TIAM1: variants seen among roughly 807,000 people sequenced by gnomAD.
TIAM1 encodes rho guanine nucleotide exchange factor TIAM1.
TIAM1 carries 65 observed loss-of-function variants against 163.5 expected under a neutral mutation model. The ratio of observed to expected loss-of-function variants is 0.40; its 90% CI spans 0.33 to 0.49. The LOEUF (loss-of-function observed/expected upper bound fraction) is 0.49. Ranked by LOEUF, TIAM1 falls within the 20% of genes least tolerant of loss-of-function variation. The probability of loss-of-function intolerance (pLI) is 0.77; values close to 1 mark genes in which losing one functional copy is unlikely to be tolerated. For synonymous variants in TIAM1, 833 were observed against 810.1 expected (o/e 1.03, Z -0.48); for missense variants, 1,789 against 2,044.7 (o/e 0.87, Z 2.41).
In TIAM1 at chr21:31,334,183, T is replaced by C. The variant is rs16988116; in HGVS notation, c.-189+5060A>G. Among the ~76,000 whole-genome samples the C allele has an allele frequency of 7.1e-3, 1,085 of 152,334 alleles. 8 individuals are homozygous for C. Among genetic ancestry groups the C allele is most frequent in the African/African-American group, 0.021 (875 of 41,576 alleles). Reference sequence around the variant, plus strand: ...AAGCTGAAACCACGAAAAATCCATTTTATTTTCACTTAATGTCAACTCTTG... The same window carrying C: ...AAGCTGAAACCACGAAAAATCCATTCTATTTTCACTTAATGTCAACTCTTG... On this transcript the variant is annotated intron_variant, in intron 2 of 27. Transcript: ENST00000541036.
intron 2 of TIAM1, among the ~76,000 whole-genome samples, chr21:31,376,111 C>T (rs182976210): frequency 2.6e-5 from 4 of 152,258 alleles, no homozygotes; most frequent in East Asian, 3.9e-4. Flanking sequence ...GCAAGCATTT[C>T]GTAAACGATA....
At chr21:31,552,530 T>C (rs1362188429) in intron 1 of TIAM1, among the ~76,000 whole-genome samples, 1 of 152,092 alleles carries the variant, frequency 6.6e-6, no homozygotes, top group African/African-American at 2.4e-5. Context: ...TCCCAGCACT[T>C]TGGGAGGCCG....
chr21:31,136,390 G>T (rs1175105123), intron 22 of TIAM1, among the ~76,000 whole-genome samples: 1 of 151,916 alleles, frequency 6.6e-6, no homozygotes, highest in Non-Finnish European at 1.5e-5. Context: ...ATCAAAACAG[G>T]CTGAAGATAC....
At chr21:31,148,950 GTTTTTC>G (rs200999800) in intron 19 of TIAM1, among the ~76,000 whole-genome samples, 1 of 81,690 alleles carries the variant, frequency 1.2e-5, no homozygotes, top group Non-Finnish European at 2.4e-5. Context: ...ATTTTAACAA[GTTTTTC>G]TTTTTCTTTT....
chr21:31,514,760 G>GCAGA (rs944937915), intron 1 of TIAM1, among the ~76,000 whole-genome samples: 57 of 152,314 alleles, frequency 3.7e-4, no homozygotes, highest in African/African-American at 1.1e-3. Context: ...GTTCTGAACT[G>GCAGA]CAGAGTGCAC....
At chr21:31,478,840 A>T (rs1220829904) in intron 1 of TIAM1, among the ~76,000 whole-genome samples, 2 of 152,216 alleles carry the variant, frequency 1.3e-5, no homozygotes, top group East Asian at 3.8e-4. Flanking sequence ...GCTAGCTGAC[A>T]CCCCAAATGC....
intron 6 of TIAM1, among the ~76,000 whole-genome samples, chr21:31,233,777 C>T (rs1401534898): frequency 3.3e-5 from 5 of 152,192 alleles, no homozygotes; most frequent in African/African-American, 9.7e-5. Context: ...TCCCTCTCAC[C>T]CTCACCCACG....
intron 2 of TIAM1, among the ~76,000 whole-genome samples, chr21:31,295,377 G>C (rs2074208100): frequency 6.7e-6 from 1 of 149,402 alleles, no homozygotes; most frequent in Non-Finnish European, 1.5e-5. Flanking sequence ...GGCTGAGGCA[G>C]GAGAATGGCG....
At chr21:31,551,717 A>T (rs2048694594) in intron 1 of TIAM1, among the ~76,000 whole-genome samples, 1 of 152,198 alleles carries the variant, frequency 6.6e-6, no homozygotes, top group African/African-American at 2.4e-5. Context: ...TCTAGGCAGC[A>T]GAGCGAGACC....
At chr21:31,484,689 C>G (rs146902970) in intron 1 of TIAM1, among the ~76,000 whole-genome samples, 2 of 152,296 alleles carry the variant, frequency 1.3e-5, no homozygotes, top group Non-Finnish European at 2.9e-5. Context: ...GGAAGGGAGG[C>G]CTGAGAGACT....
At chr21:31,278,409 A>C (rs933588386) in intron 2 of TIAM1, among the ~76,000 whole-genome samples, 21 of 152,210 alleles carry the variant, frequency 1.4e-4, no homozygotes, top group Non-Finnish European at 4.4e-5. Context: ...GGTAGAGGTG[A>C]AATTACAAAT....
intron 15 of TIAM1, among the ~76,000 whole-genome samples, chr21:31,176,558 T>G (rs2084773755): frequency 6.6e-6 from 1 of 152,100 alleles, no homozygotes; most frequent in Non-Finnish European, 1.5e-5. Context: ...GATCCTGGCT[T>G]TCTAAGCCAA....
chr21:31,489,107 C>T (rs1447297096), intron 1 of TIAM1, among the ~76,000 whole-genome samples: 1 of 151,516 alleles, frequency 6.6e-6, no homozygotes, highest in Admixed American at 6.6e-5. Context: ...CAGTAGCTCA[C>T]GCCTGCAATT....
In TIAM1 at chr21:31,425,570, T is replaced by C. The variant is rs561367240; in HGVS notation, c.-369+38413A>G. 1.5e-3 allele frequency among the ~76,000 whole-genome samples: 234 copies of C among 151,462 alleles called. 1 individual carries two copies. The highest frequency in any genetic ancestry group is 5.5e-3 in the African/African-American group (225 of 41,030). On this transcript the variant is annotated intron_variant, in intron 2 of 28. Transcript: ENST00000286827. ...TTTCTAACAAACTCCTACATGATGC[T>C]GGTCCAGGGACTGCTTTTTTTTTTT...
chr21:31,278,608 G>C (rs1487403722), intron 2 of TIAM1, among the ~76,000 whole-genome samples: 2 of 152,200 alleles, frequency 1.3e-5, no homozygotes, highest in African/African-American at 4.8e-5. Flanking sequence ...CCACATACAG[G>C]CAGTAAATAA....
intron 15 of TIAM1, among the ~76,000 whole-genome samples, chr21:31,173,511 A>C (rs759283319): frequency 4.0e-5 from 6 of 148,358 alleles, no homozygotes; most frequent in Non-Finnish European, 5.9e-5. Flanking sequence ...ACAAAGCAAG[A>C]AAGAAAGAGA....
rs1355661478 is a variant in TIAM1, at chr21:31,217,534, C to G, written c.2142+19G>C. 1 of 1,610,742 alleles carries G rather than the reference C, an allele frequency of 6.2e-7. No homozygotes were observed. Among genetic ancestry groups the G allele is most frequent in the Non-Finnish European group, 8.5e-7 (1 of 1,178,078 alleles). ...AAGTGATTTGTGCGGGCTCACTTTT[C>G]ATCTGCTCTGGAACCTACCTGATTG... is the stretch of plus-strand genomic sequence containing the variant. On this transcript the variant is annotated intron_variant, in intron 9 of 27. Coordinates refer to ENST00000541036, the MANE Select transcript of TIAM1 (RefSeq NM_001353694.2).
At chr21:31,275,239 G>A (rs1004311458) in intron 3 of TIAM1, among the ~76,000 whole-genome samples, 3 of 152,012 alleles carry the variant, frequency 2.0e-5, no homozygotes, top group Non-Finnish European at 1.5e-5. Flanking sequence ...CTTGTAGGGC[G>A]TTTTAATTTT....
chr21:31,233,264 G>GA (rs895682364), intron 6 of TIAM1, among the ~76,000 whole-genome samples: 13 of 150,408 alleles, frequency 8.6e-5, no homozygotes, highest in East Asian at 3.9e-4. Flanking sequence ...CATTTTAAAA[G>GA]AAAAAAAAAG....
Sources: gnomAD v4.1 joint callset for allele counts (sites outside exome capture counted in the v4.1 genomes callset) on GRCh38, gnomAD v4.1.1 for gene constraint, MANE v1.5 for transcripts, NCBI Gene and HGNC (gene_info 2026-07-23, HGNC 2026-07-21) for gene names.